PEX1: variants seen among roughly 807,000 people sequenced by gnomAD.
PEX1 encodes peroxisomal ATPase PEX1.
Under a neutral mutation model 152.5 loss-of-function variants are expected in PEX1, and 97 were observed. The ratio of observed to expected loss-of-function variants is 0.64; its 90% CI spans 0.54 to 0.75. PEX1 has a LOEUF of 0.75. Among genes scored for constraint, PEX1 ranks in the 30% least tolerant of loss-of-function variants. PEX1 has a pLI of 0.00. For missense variants in PEX1, 1,357 were observed against 1,516.3 expected (o/e 0.89, Z 1.74); for synonymous variants, 485 against 531.6 (o/e 0.91, Z 1.21).
chr7:92,498,611 T>G (rs1222923180), intron 16 of PEX1, among the ~76,000 whole-genome samples: 2 of 152,356 alleles, frequency 1.3e-5, no homozygotes, highest in East Asian at 3.9e-4. Context: ...TTTGTTAAAC[T>G]AATATTGCTG....
Position 92,511,059 on chromosome 7 carries a change from AAAGT to A in PEX1, c.1484-16_1484-13del. The A allele has an allele frequency of 8.5e-7, 1 of 1,181,484 alleles. No homozygotes were observed. Among genetic ancestry groups the A allele is most frequent in the Non-Finnish European group, 1.3e-6 (1 of 788,560 alleles). 73.2% of individuals were successfully genotyped at this position (1,181,484 alleles called of 1,614,324 possible). A position where few individuals can be genotyped will look rare whatever the true frequency, so the allele number is the denominator to read the frequency against. On this transcript the variant is annotated splice_polypyrimidine_tract_variant and intron_variant, in intron 7 of 23. Transcript: ENST00000248633. ...AAATTCCTTCAGTCCTATTAAAAAG[AAAGT>A]AATAAATGCAGAGTTAGTACTGAAA... is the stretch of plus-strand genomic sequence containing the variant.
intron 20 of PEX1, chr7:92,491,720 A>G (rs1053059399): frequency 6.0e-6 from 3 of 498,804 alleles, no homozygotes; most frequent in African/African-American, 3.9e-5. Context: ...TTTACCAACC[A>G]TCCCCCAAGA....
Position 92,504,781 on chromosome 7 carries a change from C to G in PEX1, c.2022G>C (p.Pro674=). 2 of 1,614,132 alleles carry G rather than the reference C, an allele frequency of 1.2e-6. No homozygotes were observed. The highest frequency in any genetic ancestry group is 1.7e-6 in the Non-Finnish European group (2 of 1,180,004). ...LDLIAGLPAV[P]EHEHSPDAVQ... is the part of the protein sequence containing the mutation. ...CCGCATCAGGACTGTGCTCATGTTC[C>G]GGGACAGCAGGCAGTCCAGCAATGA... The change falls in exon 12 of 24, where the codon CCG becomes CCC. Residue 674 remains proline, a synonymous_variant. Coordinates refer to ENST00000248633, the MANE Select transcript of PEX1 (RefSeq NM_000466.3).
At chr7:92,518,949 A>G (rs1213267889) in intron 3 of PEX1, 46 bp downstream of exon 3, 1 of 1,248,160 alleles carries the variant, frequency 8.0e-7, no homozygotes, top group Non-Finnish European at 1.2e-6. Context: ...GATATTGTGA[A>G]GTAATTTAAC....
At chr7:92,493,979 TG>T in intron 19 of PEX1, 1 of 304,650 alleles carries the variant, frequency 3.3e-6, no homozygotes, top group Non-Finnish European at 6.3e-6. Flanking sequence ...GTTTTTTTTT[TG>T]ACAGGATAAT....
rs1334167324 is a variant in PEX1 at position 92,528,412 on chromosome 7, C to T, written c.24G>A (p.Ala8=). The T allele has an allele frequency of 2.5e-6, 4 of 1,596,244 alleles. No individual in the cohort carries two copies. The highest frequency in any genetic ancestry group is 2.6e-6 in the Non-Finnish European group (3 of 1,172,900). Residue 8 remains alanine, a synonymous_variant, in exon 1 of 24, where the codon GCG becomes GCA. Transcript: ENST00000248633. ...CTGCCGCCCCGCCTCCCCCAGCACC[C>T]GCCAGGCGATCGCTGCCCCACATCG... MWGSDRL[A]GAGGGGAAVT...
intron 22 of PEX1, 106 bp from the exon 23 acceptor site, chr7:92,489,529 G>T (rs1437054399): frequency 1.8e-6 from 2 of 1,099,468 alleles, no homozygotes; most frequent in Non-Finnish European, 2.7e-6. Flanking sequence ...GAGACCATAC[G>T]TTCTCTTCCT....
chr7:92,516,229 C>T (rs1351814908), intron 5 of PEX1, among the ~76,000 whole-genome samples: 1 of 151,742 alleles, frequency 6.6e-6, no homozygotes, highest in African/African-American at 2.4e-5. Flanking sequence ...AGTTCCAGAC[C>T]AGGCTGGCTA....
chr7:92,487,427 T>TA lies in PEX1; in HGVS notation c.*29dup. ...CATATGGAAAAGCCATCAAAAAACT[T>TA]AACAGAACCAAATCAAAAAGAAGTA... On this transcript the variant is annotated 3_prime_UTR_variant, in exon 24 of 24. Coordinates refer to ENST00000248633, the MANE Select transcript of PEX1 (RefSeq NM_000466.3). The TA allele has an allele frequency of 2.4e-6, 3 of 1,250,744 alleles. No homozygotes were observed. The highest frequency in any genetic ancestry group is 3.5e-6 in the Non-Finnish European group (3 of 860,964). The allele number at this position is 1,250,744 out of a possible 1,614,324, so 77.5% of individuals were successfully genotyped here.
rs1198781687 is a variant in PEX1, at chr7:92,518,039, G to A, written c.476C>T (p.Ala159Val). 1.9e-6 allele frequency: 3 copies of A among 1,613,976 alleles called. No individual in the cohort carries two copies. In the South Asian group the frequency reaches 3.3e-5, roughly 18 times the overall value. Residue 159 changes from alanine (A) to valine (V), a missense_variant, in exon 5 of 24, where the codon GCA (alanine) becomes GTA (valine). Transcript: ENST00000248633. ...QQTYIFIQIV[A>V]LIPAASYGRL... ...TCCATAAGAGGCAGCTGGTATTAGTGCAACTGTGTAGAAAATAAAGCTCAT... is the reference window on the plus strand; with the variant it reads ...TCCATAAGAGGCAGCTGGTATTAGTACAACTGTGTAGAAAATAAAGCTCAT...
At chr7:92,520,034 C>G (rs1792982061) in intron 2 of PEX1, among the ~76,000 whole-genome samples, 2 of 152,088 alleles carry the variant, frequency 1.3e-5, no homozygotes, top group Admixed American at 6.6e-5. Flanking sequence ...AAGCACAAAG[C>G]AGCTCCTGCC....
chr7:92,517,035 C>T (rs890837908), intron 5 of PEX1, among the ~76,000 whole-genome samples: 2 of 152,178 alleles, frequency 1.3e-5, no homozygotes, highest in African/African-American at 2.4e-5. Flanking sequence ...GTAATTTTGA[C>T]CTCTCTGGCC....
chr7:92,522,539 C>T (rs1398163909), intron 1 of PEX1, among the ~76,000 whole-genome samples: 1 of 152,110 alleles, frequency 6.6e-6, no homozygotes. Context: ...AGCAGTTGAG[C>T]CACATATAAC....
At chr7:92,527,436 G>C (rs142438314) in intron 1 of PEX1, among the ~76,000 whole-genome samples, 1 of 152,160 alleles carries the variant, frequency 6.6e-6, no homozygotes, top group Non-Finnish European at 1.5e-5. Context: ...ATGATAGGAG[G>C]ATTCTGCTGA....
Position 92,493,098 on chromosome 7 carries a change from C to T in PEX1, c.3062G>A (p.Ser1021Asn), listed in dbSNP as rs1330798276. ...ATCATCTGCCAGAGGTAGAGAGTCA[C>T]TGAGGACATTTAAAATTTCAAGACG... ...VSRLEILNVLSDSLPLADDVD... is the reference protein window; with the variant it reads ...VSRLEILNVLNDSLPLADDVD... The change falls in exon 20 of 24, where the codon AGT becomes AAT. Residue 1021 changes from serine to asparagine, a missense_variant. Coordinates refer to ENST00000248633, the MANE Select transcript of PEX1 (RefSeq NM_000466.3). The T allele has an allele frequency of 6.2e-7, 1 of 1,608,634 alleles. No individual in the cohort carries two copies. Among genetic ancestry groups the T allele is most frequent in the Non-Finnish European group, 8.5e-7 (1 of 1,176,558 alleles).
intron 2 of PEX1, among the ~76,000 whole-genome samples, chr7:92,519,964 C>G (rs1792979756): frequency 2.0e-5 from 3 of 152,046 alleles, no homozygotes; most frequent in Admixed American, 1.3e-4. Context: ...TGCCTCACCC[C>G]CAGACTCCTC....
Position 92,526,587 on chromosome 7 carries a change from T to C in PEX1, c.129+1720A>G, listed in dbSNP as rs193034798. On this transcript the variant is annotated intron_variant, in intron 1 of 23. Coordinates refer to ENST00000248633, the MANE Select transcript of PEX1 (RefSeq NM_000466.3). The stretch of plus-strand genomic sequence containing the variant: ...TTATTTTCAACGTCTGATTAAAATA[T>C]AGTTTATCACTTCTAATGCCTAAAA... Among the ~76,000 whole-genome samples, 72 of 152,368 alleles carry C rather than the reference T, an allele frequency of 4.7e-4. 1 individual carries two copies. The East Asian group carries it at 0.012, about 26-fold the overall frequency.
intron 3 of PEX1, 169 bp downstream of exon 3, chr7:92,518,826 T>C: frequency 3.1e-6 from 2 of 635,424 alleles, no homozygotes; most frequent in Non-Finnish European, 5.6e-6. Flanking sequence ...TGCCTTGGCC[T>C]CCCAAAGTGC....
At chr7:92,526,900 A>G (rs1354491811) in intron 1 of PEX1, among the ~76,000 whole-genome samples, 1 of 152,174 alleles carries the variant, frequency 6.6e-6, no homozygotes, top group African/African-American at 2.4e-5. Context: ...CTTGTTAATA[A>G]TTTTCCATGC....
Sources: allele counts gnomAD v4.1 joint callset (sites outside exome capture counted in the v4.1 genomes callset), GRCh38; gene constraint gnomAD v4.1.1; transcripts MANE v1.5; gene names NCBI Gene and HGNC (gene_info 2026-07-23, HGNC 2026-07-21).